The following C8orf34 variants were observed in gnomAD, a reference collection of about 807,000 sequenced individuals.
The protein encoded by C8orf34 is chromosome 8 open reading frame 34, also known as uncharacterized protein C8orf34.
Under a neutral mutation model 68.3 loss-of-function variants are expected in C8orf34, and 65 were observed. The ratio of observed to expected loss-of-function variants is 0.95; its 90% CI spans 0.78 to 1.17. The LOEUF is 1.17. Among genes scored for constraint, C8orf34 ranks in the 50% most tolerant of loss-of-function variants. The probability of loss-of-function intolerance (pLI) is 0.00; values close to 1 mark genes in which losing one functional copy is unlikely to be tolerated. For synonymous variants in C8orf34, 244 were observed against 241.2 expected, an observed-to-expected ratio of 1.01 and a Z score of -0.11; for missense variants, 664 against 655.4, an observed-to-expected ratio of 1.01 and a Z score of -0.14.
intron 1 of C8orf34, among the ~76,000 whole-genome samples, chr8:68,343,080 G>T (rs1806136265): frequency 6.6e-6 from 1 of 152,064 alleles, no homozygotes; most frequent in South Asian, 2.1e-4. Context: ...GAGACTACTT[G>T]TATAAACAAA....
intron 12 of C8orf34, among the ~76,000 whole-genome samples, chr8:68,806,637 G>C (rs2129529766): frequency 6.6e-6 from 1 of 152,218 alleles, no homozygotes; most frequent in South Asian, 2.1e-4. Flanking sequence ...GTGCCTACAT[G>C]TTATTAAGCT....
At chr8:68,460,142 T>C (rs533676420) in intron 3 of C8orf34, among the ~76,000 whole-genome samples, 255 of 152,218 alleles carry the variant, frequency 1.7e-3, no homozygotes, top group African/African-American at 5.5e-3. Flanking sequence ...GATTATATCC[T>C]GCACCTGGCT....
intron 10 of C8orf34, among the ~76,000 whole-genome samples, chr8:68,738,878 C>T (rs1238991044): frequency 2.0e-5 from 3 of 152,068 alleles, no homozygotes; most frequent in Non-Finnish European, 4.4e-5. Context: ...TCATACCATT[C>T]CTGGTGAAAG....
chr8:68,452,525 T>C (rs1811386893), intron 3 of C8orf34, among the ~76,000 whole-genome samples: 1 of 151,628 alleles, frequency 6.6e-6, no homozygotes. Flanking sequence ...TTAATAGTTT[T>C]GAGCATCTTT....
At chr8:68,471,368 C>A (rs1812370746) in intron 4 of C8orf34, among the ~76,000 whole-genome samples, 1 of 152,108 alleles carries the variant, frequency 6.6e-6, no homozygotes, top group African/African-American at 2.4e-5. Context: ...TTGTCTTAGG[C>A]ACAACATGTT....
chr8:68,679,961 C>T (rs1163824383), intron 8 of C8orf34, among the ~76,000 whole-genome samples: 1 of 152,132 alleles, frequency 6.6e-6, no homozygotes, highest in Non-Finnish European at 1.5e-5. Context: ...TATAAGGCCT[C>T]AATCTATAAA....
At chr8:68,517,137 C>T (rs1814553435) in intron 5 of C8orf34, among the ~76,000 whole-genome samples, 1 of 152,114 alleles carries the variant, frequency 6.6e-6, no homozygotes, top group South Asian at 2.1e-4. Flanking sequence ...AATTCGTTTA[C>T]ATTTTTAAAT....
chr8:68,773,111 C>T (rs1823401405), intron 10 of C8orf34, among the ~76,000 whole-genome samples: 1 of 152,110 alleles, frequency 6.6e-6, no homozygotes, highest in Non-Finnish European at 1.5e-5. Context: ...AAAAGGACAT[C>T]TGAAACTCAT....
intron 1 of C8orf34, among the ~76,000 whole-genome samples, chr8:68,393,807 C>T (rs1448118062): frequency 5.9e-5 from 9 of 151,994 alleles, no homozygotes; most frequent in Non-Finnish European, 1.3e-4. Flanking sequence ...GTTGTGAGAG[C>T]TTCACAAATA....
intron 7 of C8orf34, among the ~76,000 whole-genome samples, chr8:68,617,783 G>A (rs1363668729): frequency 6.6e-6 from 1 of 152,106 alleles, no homozygotes. Context: ...TCTTCTCGAG[G>A]AGTATCTTTG....
In C8orf34 at chr8:68,666,197, C is replaced by T. The variant is rs555359015; in HGVS notation, c.1241+25686C>T. 8.5e-5 allele frequency among the ~76,000 whole-genome samples: 13 copies of T among 152,236 alleles called. No homozygotes were observed. In the South Asian group the frequency reaches 1.7e-3, roughly 19 times the overall value. ...AACCAGGAAGTCTTGCTCCAGAACA[C>T]GTGCTCTTTTCTTCTCTGCTGCTAA... is the stretch of plus-strand genomic sequence containing the variant. On this transcript the variant is annotated intron_variant, in intron 8 of 13. Transcript: ENST00000518698.
At chr8:68,467,128 T>A (rs1198339852) in intron 3 of C8orf34, among the ~76,000 whole-genome samples, 27 of 151,970 alleles carry the variant, frequency 1.8e-4, no homozygotes, top group Admixed American at 1.8e-3. Flanking sequence ...TGAGGCATTA[T>A]CTCTTGACAT....
At chr8:68,409,331 C>A (rs569818327) in intron 1 of C8orf34, among the ~76,000 whole-genome samples, 1 of 152,108 alleles carries the variant, frequency 6.6e-6, no homozygotes, top group Admixed American at 6.5e-5. Context: ...TATGTTATTG[C>A]CCCTGAAGAC....
intron 10 of C8orf34, among the ~76,000 whole-genome samples, chr8:68,747,613 T>C (rs1217713606): frequency 0.011 from 1,697 of 149,928 alleles, 13 homozygotes; most frequent in Middle Eastern, 0.027. Context: ...AGAACCAAAT[T>C]ATGAGGGAAC....
At chr8:68,602,823 G>T (rs1817737958) in intron 7 of C8orf34, among the ~76,000 whole-genome samples, 1 of 152,098 alleles carries the variant, frequency 6.6e-6, no homozygotes, top group South Asian at 2.1e-4. Context: ...CATGCAGAGA[G>T]GGGAAGTCGT....
intron 7 of C8orf34, among the ~76,000 whole-genome samples, chr8:68,628,455 A>T (rs1023775036): frequency 6.6e-6 from 1 of 152,160 alleles, no homozygotes; most frequent in Non-Finnish European, 1.5e-5. Flanking sequence ...TTTAGGAACT[A>T]TAGCTGTCTC....
chr8:68,648,233 A>G (rs945912559), intron 8 of C8orf34, among the ~76,000 whole-genome samples: 3 of 152,222 alleles, frequency 2.0e-5, no homozygotes, highest in African/African-American at 7.2e-5. Context: ...TCACACTACA[A>G]AGTAAGCCAT....
At chr8:68,384,932 A>T (rs746987525) in intron 1 of C8orf34, among the ~76,000 whole-genome samples, 2 of 152,194 alleles carry the variant, frequency 1.3e-5, no homozygotes, top group Non-Finnish European at 1.5e-5. Flanking sequence ...ATCAAAGAGG[A>T]TTAACTTTAC....
chr8:68,534,555 G>T, intron 7 of C8orf34: 8 of 891,994 alleles, frequency 9.0e-6, no homozygotes, highest in Non-Finnish European at 1.1e-5. Flanking sequence ...CAGAGGTAAG[G>T]GACAGTGACC....
Sources: gnomAD v4.1 joint callset for allele counts (sites outside exome capture counted in the v4.1 genomes callset) on GRCh38, gnomAD v4.1.1 for gene constraint, MANE v1.5 for transcripts, NCBI Gene and HGNC (gene_info 2026-07-23, HGNC 2026-07-21) for gene names.